Variants in ESCO1 observed in about 807,000 individuals in gnomAD.
ESCO1 encodes the protein N-acetyltransferase ESCO1.
A neutral mutation model predicts 83.5 loss-of-function variants in ESCO1; 33 were observed. That is an observed-to-expected ratio of 0.40 (90% CI 0.30 to 0.53). The LOEUF (loss-of-function observed/expected upper bound fraction) is 0.53. Among genes scored for constraint, ESCO1 ranks in the 20% least tolerant of loss-of-function variants. The probability of loss-of-function intolerance (pLI) is 0.63; values close to 1 mark genes in which losing one functional copy is unlikely to be tolerated. For synonymous variants in ESCO1, 332 were observed against 324.3 expected, an observed-to-expected ratio of 1.02 and a Z score of -0.25; for missense variants, 855 against 968.0, an observed-to-expected ratio of 0.88 and a Z score of 1.55.
intron 8 of ESCO1, among the ~76,000 whole-genome samples, chr18:21,543,162 ATTTT>A (rs1428878279): frequency 6.6e-6 from 1 of 151,898 alleles, no homozygotes; most frequent in Non-Finnish European, 1.5e-5. Flanking sequence ...TATTTTATTT[ATTTT>A]TTTTTTTGAG....
chr18:21,576,687 T>C (rs1379362788), intron 2 of ESCO1, among the ~76,000 whole-genome samples: 1 of 152,132 alleles, frequency 6.6e-6, no homozygotes, highest in Non-Finnish European at 1.5e-5. Flanking sequence ...GATCTATTTA[T>C]ACCCGAGACT....
intron 2 of ESCO1, among the ~76,000 whole-genome samples, chr18:21,584,041 T>C (rs1385636458): frequency 3.3e-5 from 5 of 152,198 alleles, no homozygotes; most frequent in Non-Finnish European, 7.3e-5. Flanking sequence ...CAGAATCATA[T>C]GCCTTTTATG....
chr18:21,597,031 T>G (rs1030844517), intron 1 of ESCO1: 4 of 152,142 alleles, frequency 2.6e-5, no homozygotes, highest in Admixed American at 1.3e-4. Flanking sequence ...AGCAAAAGAT[T>G]AAAAGTACAA....
In ESCO1 at chr18:21,574,518, T is replaced by C; in HGVS notation, c.326A>G (p.His109Arg). 1 of 1,613,914 alleles carries C rather than the reference T, an allele frequency of 6.2e-7. No homozygotes were observed. Among genetic ancestry groups the C allele is most frequent in the Non-Finnish European group, 8.5e-7 (1 of 1,179,968 alleles). ...KKKLSQKKLV[H>R]ENPKANEQLN... The stretch of plus-strand genomic sequence containing the variant: ...CTGTTCATTTGCTTTAGGGTTTTCA[T>C]GTACTAATTTTTTCTGAGATAATTT... Residue 109 changes from histidine to arginine, a missense_variant, in exon 4 of 12, where the codon CAT becomes CGT. His to Arg is a conservative substitution (Grantham distance 29). Transcript: ENST00000269214.
intron 1 of ESCO1, among the ~76,000 whole-genome samples, chr18:21,590,245 T>C (rs1455125140): frequency 1.3e-5 from 2 of 149,884 alleles, no homozygotes; most frequent in Admixed American, 6.7e-5. Context: ...TTTTTGAGAC[T>C]GCCTCTCACT....
intron 7 of ESCO1, among the ~76,000 whole-genome samples, chr18:21,562,809 AAAT>A (rs2038206400): frequency 6.6e-6 from 1 of 152,152 alleles, no homozygotes. Context: ...TGTAACTTTA[AAAT>A]AATAATGTAT....
intron 5 of ESCO1, among the ~76,000 whole-genome samples, chr18:21,566,471 T>A (rs2038261665): frequency 6.6e-6 from 1 of 152,210 alleles, no homozygotes; most frequent in African/African-American, 2.4e-5. Flanking sequence ...CCAGCAATTA[T>A]TAGGACTGAA....
At chr18:21,532,100 G>C (rs1002185338) in intron 11 of ESCO1, among the ~76,000 whole-genome samples, 3 of 152,006 alleles carry the variant, frequency 2.0e-5, no homozygotes, top group African/African-American at 7.2e-5. Flanking sequence ...TAATATTCTT[G>C]AATTAAGATA....
intron 7 of ESCO1, among the ~76,000 whole-genome samples, chr18:21,561,340 G>A (rs976010237): frequency 6.6e-6 from 1 of 152,138 alleles, no homozygotes; most frequent in Non-Finnish European, 1.5e-5. Flanking sequence ...GTGTGTAGAG[G>A]AAAAAGTTTT....
chr18:21,532,356 T>C (rs934291752), intron 11 of ESCO1, 117 bp downstream of exon 11: 23 of 1,148,642 alleles, frequency 2.0e-5, no homozygotes, highest in Non-Finnish European at 2.5e-5. Context: ...CATGCAAAAT[T>C]TGTAATTAAT....
chr18:21,568,563 G>GT (rs1212901953), intron 4 of ESCO1, among the ~76,000 whole-genome samples: 1 of 152,146 alleles, frequency 6.6e-6, no homozygotes, highest in African/African-American at 2.4e-5. Context: ...TTAAAATGTG[G>GT]TATCACTTGA....
intron 8 of ESCO1, among the ~76,000 whole-genome samples, chr18:21,547,025 T>C (rs1406487143): frequency 1.3e-5 from 2 of 152,204 alleles, no homozygotes; most frequent in Non-Finnish European, 2.9e-5. Context: ...TGGCCTGATA[T>C]GCCTTTGCTC....
rs1231421652 is a variant in ESCO1 at position 21,573,367 on chromosome 18, CAGA to C, written c.1474_1476del (p.Ser492del). On this transcript the variant is annotated inframe_deletion, in exon 4 of 12. Transcript: ENST00000269214. Reference sequence around the variant, plus strand: ...TTCATCTGATTATCCAATGGTGGGTCAGAAGGTTTTATCTCATTGGCCAAATGA... The same window carrying C: ...TTCATCTGATTATCCAATGGTGGGTCAGGTTTTATCTCATTGGCCAAATGA... 2.3e-5 allele frequency: 36 copies of C among 1,597,976 alleles called. No homozygotes were observed. The highest frequency in any genetic ancestry group is 2.7e-5 in the Non-Finnish European group (32 of 1,176,374).
intron 9 of ESCO1, among the ~76,000 whole-genome samples, chr18:21,538,390 C>T (rs1340734237): frequency 6.6e-6 from 1 of 151,830 alleles, no homozygotes; most frequent in Non-Finnish European, 1.5e-5. Context: ...TGGTTAATCA[C>T]TGATCCAACA....
chr18:21,570,583 A>G lies in ESCO1; in HGVS notation c.1531-2489T>C, dbSNP rs2038326639. Among the ~76,000 whole-genome samples, 5 of 152,230 alleles carry G rather than the reference A, an allele frequency of 3.3e-5. No homozygotes were observed. In the South Asian group the frequency reaches 1.0e-3, roughly 31 times the overall value. The stretch of plus-strand genomic sequence containing the variant: ...CAAACAAAGCTAAGTATTCTTTATG[A>G]ATTTATATACACATAAAATCACAGA... On this transcript the variant is annotated intron_variant, in intron 4 of 11. Transcript: ENST00000269214.
rs775252924 is a variant in ESCO1 at position 21,594,691 on chromosome 18, G to A, written c.-825+5932C>T. Reference sequence around the variant, plus strand: ...TGAACTCCAGCCTGTGCAACTGAGCGAGACTCCATCTCAAAAAAAAAAAGA... The same window carrying A: ...TGAACTCCAGCCTGTGCAACTGAGCAAGACTCCATCTCAAAAAAAAAAAGA... On this transcript the variant is annotated intron_variant, in intron 1 of 11. Transcript: ENST00000269214. 4.8e-4 allele frequency among the ~76,000 whole-genome samples: 57 copies of A among 117,606 alleles called. 1 individual carries two copies. Among genetic ancestry groups the A allele is most frequent in the African/African-American group, 1.8e-3 (55 of 30,384 alleles). 77.2% of individuals were successfully genotyped at this position (117,606 alleles called of 152,430 possible). A position where few individuals can be genotyped will look rare whatever the true frequency, so the allele number is the denominator to read the frequency against.
intron 8 of ESCO1, among the ~76,000 whole-genome samples, chr18:21,545,853 C>T (rs2037967373): frequency 6.6e-6 from 1 of 152,078 alleles, no homozygotes; most frequent in South Asian, 2.1e-4. Flanking sequence ...TCACCTGAAC[C>T]CAGGAGGCGG....
At chr18:21,544,334 T>C (rs1230871087) in intron 8 of ESCO1, among the ~76,000 whole-genome samples, 1 of 149,858 alleles carries the variant, frequency 6.7e-6, no homozygotes. Context: ...AGGTGGGGCA[T>C]GGTGGCTCAC....
At chr18:21,578,196 GA>G (rs2038446250) in intron 2 of ESCO1, among the ~76,000 whole-genome samples, 1 of 151,724 alleles carries the variant, frequency 6.6e-6, no homozygotes, top group South Asian at 2.1e-4. Flanking sequence ...GAAAAAACAG[GA>G]AAAAAGTAGC....
Sources: gnomAD v4.1 joint callset for allele counts (sites outside exome capture counted in the v4.1 genomes callset) on GRCh38, gnomAD v4.1.1 for gene constraint, MANE v1.5 for transcripts, NCBI Gene and HGNC (gene_info 2026-07-23, HGNC 2026-07-21) for gene names.